NIBAN1: variants seen among roughly 807,000 people sequenced by gnomAD.
The protein encoded by NIBAN1 is niban apoptosis regulator 1, also known as protein Niban 1.
A neutral mutation model predicts 75.1 loss-of-function variants in NIBAN1; 81 were observed. That is an observed-to-expected ratio of 1.08 (90% CI 0.90 to 1.30). The LOEUF is 1.30. NIBAN1 is among the 50% of genes most tolerant of loss of function. The probability of loss-of-function intolerance (pLI) is 0.00; values close to 1 mark genes in which losing one functional copy is unlikely to be tolerated. For missense variants in NIBAN1, 1,133 were observed against 1,128.1 expected (o/e 1.00, Z -0.06); for synonymous variants, 436 against 424.8 (o/e 1.03, Z -0.32).
chr1:184,917,267 C>A (rs936473039), intron 1 of NIBAN1, among the ~76,000 whole-genome samples: 4 of 150,708 alleles, frequency 2.7e-5, no homozygotes, highest in Admixed American at 2.7e-4. Flanking sequence ...TGCAGTGGCG[C>A]GATCTCAGCT....
rs1176738165 is a variant in NIBAN1 at position 184,968,209 on chromosome 1, C to CAAAAAAA, written c.55+6086_55+6092dup. 2.0e-3 allele frequency among the ~76,000 whole-genome samples: 18 copies of CAAAAAAA among 8,802 alleles called. 1 individual carries two copies. Among genetic ancestry groups the CAAAAAAA allele is most frequent in the African/African-American group, 6.9e-3 (18 of 2,596 alleles). The allele number at this position is 8,802 out of a possible 152,430, so 5.8% of individuals were successfully genotyped here. On this transcript the variant is annotated intron_variant, in intron 1 of 13. Coordinates refer to ENST00000367511, the MANE Select transcript of NIBAN1 (RefSeq NM_052966.4). ...TGGGCGACAGAGCGAGACTCCGTCT[C>CAAAAAAA]AAAAAAAAAAAAAAAAAAAGAAATC... is the stretch of plus-strand genomic sequence containing the variant.
At chr1:184,969,864 C>A (rs1365533076) in intron 1 of NIBAN1, among the ~76,000 whole-genome samples, 3 of 151,562 alleles carry the variant, frequency 2.0e-5, no homozygotes, top group Non-Finnish European at 4.4e-5. Context: ...AACTGGAGTT[C>A]TGTTAGAAAA....
At chr1:184,833,133 G>A (rs1655044439) in intron 5 of NIBAN1, among the ~76,000 whole-genome samples, 1 of 151,804 alleles carries the variant, frequency 6.6e-6, no homozygotes, top group Admixed American at 6.6e-5. Context: ...GGGGGGTGAG[G>A]AGGAACCATC....
chr1:184,857,720 G>A (rs1655715757), intron 5 of NIBAN1, among the ~76,000 whole-genome samples: 1 of 151,824 alleles, frequency 6.6e-6, no homozygotes. Context: ...AGGTTATCTA[G>A]GTATTCTTTT....
intron 5 of NIBAN1, among the ~76,000 whole-genome samples, chr1:184,840,726 T>C (rs1054776134): frequency 2.7e-5 from 4 of 150,256 alleles, no homozygotes; most frequent in African/African-American, 7.4e-5. Flanking sequence ...ATTGGTAGAT[T>C]AGAAGGCTGT....
rs762660515 is a variant in NIBAN1 at position 184,798,171 on chromosome 1, T to C, written c.1574A>G (p.Gln525Arg). 6.2e-7 allele frequency: 1 copy of C among 1,604,890 alleles called. No individual in the cohort carries two copies. The highest frequency in any genetic ancestry group is 1.1e-5 in the South Asian group (1 of 90,556). Reference sequence around the variant, plus strand: ...ATTGGTATGATCTGCAAAGATGAACTGCTCGTATTTCTGAAGCTCCTGGAG... The same window carrying C: ...ATTGGTATGATCTGCAAAGATGAACCGCTCGTATTTCTGAAGCTCCTGGAG... ...TCKPELQKYE[Q>R]FIFADHTNMI... Residue 525 changes from glutamine (Q) to arginine (R), a missense_variant, in exon 13 of 14, where the codon CAG becomes CGG. Gln to Arg is a conservative substitution (Grantham distance 43, BLOSUM62 1). Coordinates refer to ENST00000367511, the MANE Select transcript of NIBAN1 (RefSeq NM_052966.4).
At chr1:184,934,528 C>A (rs1657905514) in intron 1 of NIBAN1, among the ~76,000 whole-genome samples, 1 of 152,094 alleles carries the variant, frequency 6.6e-6, no homozygotes, top group Non-Finnish European at 1.5e-5. Context: ...CTTTGGGAGG[C>A]CAAGGTAGGA....
chr1:184,870,896 A>AC (rs1440018260), intron 5 of NIBAN1, among the ~76,000 whole-genome samples: 1 of 152,084 alleles, frequency 6.6e-6, no homozygotes, highest in Admixed American at 6.5e-5. Context: ...TGAATTGTAT[A>AC]CCCCCCAAAT....
chr1:184,904,681 G>T (rs950918241), intron 1 of NIBAN1, among the ~76,000 whole-genome samples: 1 of 152,116 alleles, frequency 6.6e-6, no homozygotes, highest in African/African-American at 2.4e-5. Context: ...TGGGCTGGGC[G>T]CAGTAGCTCA....
rs779860728 is a variant in NIBAN1 at position 184,795,463 on chromosome 1, T to A, written c.2301A>T (p.Glu767Asp). The change falls in exon 14 of 14, where the codon GAA (glutamate) becomes GAT (aspartate). Residue 767 changes from glutamate to aspartate, a missense_variant. Coordinates refer to ENST00000367511, the MANE Select transcript of NIBAN1 (RefSeq NM_052966.4). ...GAGGTTGGGCCTCCCTCTCGCTGAC[T>A]TCACTTTCTTCACAGTTGTCGGGGT... ...AIHPDNCEES[E>D]VSEREAQPPC... 13 of 1,610,466 alleles carry A rather than the reference T, an allele frequency of 8.1e-6. No homozygotes were observed. Among genetic ancestry groups the A allele is most frequent in the Non-Finnish European group, 1.1e-5 (13 of 1,178,438 alleles).
In NIBAN1 at chr1:184,832,220, C is replaced by G. The variant is rs543139655; in HGVS notation, c.602-258G>C. ...GTTAGGACTAGAAGGAGGCCCGTCT[C>G]CTTTACCCTCTCTTATACATGCTCC... On this transcript the variant is annotated intron_variant, in intron 5 of 13. Coordinates refer to ENST00000367511, the MANE Select transcript of NIBAN1 (RefSeq NM_052966.4). Among the ~76,000 whole-genome samples, 6 of 152,294 alleles carry G rather than the reference C, an allele frequency of 3.9e-5. No homozygotes were observed. In the South Asian group the frequency reaches 1.0e-3, roughly 26 times the overall value.
At chr1:184,824,161 G>T (rs929270958) in intron 6 of NIBAN1, among the ~76,000 whole-genome samples, 5 of 152,152 alleles carry the variant, frequency 3.3e-5, no homozygotes, top group Non-Finnish European at 7.4e-5. Context: ...TGTCCCCTGG[G>T]ACTATCATTC....
At chr1:184,798,449 A>G (rs777233744) in intron 12 of NIBAN1, among the ~76,000 whole-genome samples, 32 of 152,318 alleles carry the variant, frequency 2.1e-4, no homozygotes, top group Non-Finnish European at 4.0e-4. Flanking sequence ...TCACTCAGCC[A>G]TTGGTGGTTC....
At chr1:184,916,929 A>T (rs775472133) in intron 1 of NIBAN1, among the ~76,000 whole-genome samples, 1 of 152,130 alleles carries the variant, frequency 6.6e-6, no homozygotes, top group Non-Finnish European at 1.5e-5. Context: ...CTTGATCTCC[A>T]GGACTCATAG....
intron 12 of NIBAN1, among the ~76,000 whole-genome samples, chr1:184,801,312 AGAGACAT>A (rs1654034472): frequency 6.6e-6 from 1 of 152,186 alleles, no homozygotes; most frequent in African/African-American, 2.4e-5. Flanking sequence ...AAAGGATTGA[AGAGACAT>A]GAGCTTCAAA....
At chr1:184,954,181 T>C (rs1267285399) in intron 1 of NIBAN1, among the ~76,000 whole-genome samples, 1 of 152,214 alleles carries the variant, frequency 6.6e-6, no homozygotes, top group East Asian at 1.9e-4. Context: ...GGGGAAACCT[T>C]GGACTATTCT....
intron 5 of NIBAN1, among the ~76,000 whole-genome samples, chr1:184,834,113 G>C (rs1655074242): frequency 6.6e-6 from 1 of 151,646 alleles, no homozygotes; most frequent in Non-Finnish European, 1.5e-5. Context: ...GCAGTGTTTG[G>C]TTTTCTGTCC....
rs576860003 is a variant in NIBAN1 at position 184,879,164 on chromosome 1, G to T, written c.601+5469C>A. 3.9e-5 allele frequency among the ~76,000 whole-genome samples: 6 copies of T among 152,172 alleles called. No individual in the cohort carries two copies. In the South Asian group the frequency reaches 8.3e-4, roughly 21 times the overall value. On this transcript the variant is annotated intron_variant, in intron 5 of 13. Coordinates refer to ENST00000367511, the MANE Select transcript of NIBAN1 (RefSeq NM_052966.4). The stretch of plus-strand genomic sequence containing the variant: ...TCTACTTATTTATTAACAGTAACTA[G>T]CAAGCATTTTGCTTGCAGTGCATAG...
intron 1 of NIBAN1, among the ~76,000 whole-genome samples, chr1:184,955,629 GCCCAGAC>G (rs1658470659): frequency 1.3e-5 from 2 of 152,172 alleles, no homozygotes; most frequent in Non-Finnish European, 2.9e-5. Flanking sequence ...GAGCCACAGA[GCCCAGAC>G]TCAACTTTTC....
Sources: allele counts gnomAD v4.1 joint callset (sites outside exome capture counted in the v4.1 genomes callset), GRCh38; gene constraint gnomAD v4.1.1; transcripts MANE v1.5; gene names NCBI Gene and HGNC (gene_info 2026-07-23, HGNC 2026-07-21).